Variants in TTC9C observed in about 807,000 individuals in gnomAD.
TTC9C encodes tetratricopeptide repeat domain 9C.
Under a neutral mutation model 22.5 loss-of-function variants are expected in TTC9C, and 15 were observed. The observed-to-expected ratio is 0.67, with a 90% confidence interval of 0.45 to 1.03. The LOEUF (loss-of-function observed/expected upper bound fraction) is 1.03, where lower values mean the gene tolerates loss of function less well. Among genes scored for constraint, TTC9C ranks in the 50% least tolerant of loss-of-function variants. TTC9C has a pLI of 0.00. For missense variants in TTC9C, 244 were observed against 214.6 expected, an observed-to-expected ratio of 1.14 and a Z score of -0.86; for synonymous variants, 92 against 86.8, an observed-to-expected ratio of 1.06 and a Z score of -0.33.
chr11:62,729,167 GA>G, intron 1 of TTC9C, 81 bp downstream of exon 1: 1 of 1,236,794 alleles, frequency 8.1e-7, no homozygotes, highest in Non-Finnish European at 1.1e-6. Context: ...AAAAAACGCT[GA>G]CTTTTTTTTT....
At chr11:62,729,746 T>C (rs2083824764) in intron 1 of TTC9C, among the ~76,000 whole-genome samples, 1 of 151,998 alleles carries the variant, frequency 6.6e-6, no homozygotes, top group Non-Finnish European at 1.5e-5. Flanking sequence ...CAGCTAATTT[T>C]TGTATTTTTA....
At chr11:62,728,457 G>T (rs780487732), upstream of TTC9C, 30 of 466,004 alleles carry the variant, frequency 6.4e-5, 2 homozygotes, top group South Asian at 3.9e-4. Context: ...AGGTCGGGGG[G>T]GGGCGGGTCC....
intron 1 of TTC9C, 78 bp downstream of exon 1, chr11:62,729,164 G>T: frequency 7.6e-7 from 1 of 1,309,412 alleles, no homozygotes; most frequent in Non-Finnish European, 1.1e-6. Context: ...GGGAAAAAAC[G>T]CTGACTTTTT....
chr11:62,729,041 A>G lies in TTC9C; in HGVS notation c.193A>G (p.Asn65Asp), dbSNP rs1180610854. The change falls in exon 1 of 3, where the codon AAC becomes GAC. Residue 65 changes from asparagine to aspartate, a missense_variant. Physicochemically the swap from Asn to Asp is conservative, Grantham distance 23. Transcript: ENST00000316461. Reference sequence around the variant, plus strand: ...CCCGGCCCTCACGCCTGAACAAGAAAACATATTGCATACCACCCAGACAGA... The same window carrying G: ...CCCGGCCCTCACGCCTGAACAAGAAGACATATTGCATACCACCCAGACAGA... ...QGPALTPEQE[N>D]ILHTTQTDCY... 6.2e-7 allele frequency: 1 copy of G among 1,614,032 alleles called. No homozygotes were observed. Among genetic ancestry groups the G allele is most frequent in the Non-Finnish European group, 8.5e-7 (1 of 1,180,038 alleles).
At chr11:62,736,551 G>A (rs1206920989) in intron 2 of TTC9C, among the ~76,000 whole-genome samples, 1 of 151,698 alleles carries the variant, frequency 6.6e-6, no homozygotes, top group African/African-American at 2.4e-5. Context: ...AAAATTAGCC[G>A]GACGTGGTGG....
chr11:62,735,342 G>A lies in TTC9C; in HGVS notation c.239-40G>A, dbSNP rs373716558. The A allele has an allele frequency of 7.5e-6, 12 of 1,603,730 alleles. No homozygotes were observed. In the African/African-American group the frequency reaches 1.6e-4, roughly 21 times the overall value. Reference sequence around the variant, plus strand: ...TGGCCAGTGGAACCTGGTGTAACGAGCCCCTCCTACCTCTTCTCTCTTTTC... The same window carrying A: ...TGGCCAGTGGAACCTGGTGTAACGAACCCCTCCTACCTCTTCTCTCTTTTC... On this transcript the variant is annotated intron_variant, in intron 1 of 2. Transcript: ENST00000316461.
chr11:62,736,688 C>G (rs1427611977), intron 2 of TTC9C, among the ~76,000 whole-genome samples: 1 of 144,594 alleles, frequency 6.9e-6, no homozygotes, highest in South Asian at 2.2e-4. Flanking sequence ...AGGGCGGCTC[C>G]GTCTCGGAAA....
At chr11:62,735,345 C>T in intron 1 of TTC9C, 37 bp from the exon 2 acceptor site, 1 of 1,607,566 alleles carries the variant, frequency 6.2e-7, no homozygotes, top group East Asian at 2.2e-5. Flanking sequence ...GTAACGAGCC[C>T]CTCCTACCTC....
chr11:62,728,765 C>T lies in TTC9C; in HGVS notation c.-84C>T. On this transcript the variant is annotated 5_prime_UTR_variant, in exon 1 of 3. Coordinates refer to ENST00000316461, the MANE Select transcript of TTC9C (RefSeq NM_173810.4). ...ATTTCCTGCCTCCTTAAATTGGCTG[C>T]TACTGTCAGTTATTTTGCTCCCAAC... 7.4e-7 allele frequency: 1 copy of T among 1,352,320 alleles called. No individual in the cohort carries two copies. The highest frequency in any genetic ancestry group is 1.1e-6 in the Non-Finnish European group (1 of 948,492). 83.8% of individuals were successfully genotyped at this position (1,352,320 alleles called of 1,614,324 possible). A position where few individuals can be genotyped will look rare whatever the true frequency, so the allele number is the denominator to read the frequency against.
intron 2 of TTC9C, among the ~76,000 whole-genome samples, chr11:62,737,156 G>A (rs997676441): frequency 1.3e-5 from 2 of 151,876 alleles, no homozygotes; most frequent in African/African-American, 2.4e-5. Context: ...CCAAGATCGC[G>A]CCACTGCACT....
chr11:62,733,134 G>A (rs1310708972), intron 1 of TTC9C: 3 of 1,288,420 alleles, frequency 2.3e-6, no homozygotes, highest in South Asian at 2.5e-5. Context: ...AATAGGGAGT[G>A]TTTCCCTTCT....
rs532106857 is a variant in TTC9C at position 62,736,653 on chromosome 11, C to G, written c.421+1089C>G. On this transcript the variant is annotated intron_variant, in intron 2 of 2. Coordinates refer to ENST00000316461, the MANE Select transcript of TTC9C (RefSeq NM_173810.4). ...AGCTTGCAGTGAGCTGAGATCCTGC[C>G]GGTGCATTCCAGCCTAGGGGACAGA... Among the ~76,000 whole-genome samples the G allele has an allele frequency of 4.0e-5, 6 of 149,760 alleles. No homozygotes were observed. In the South Asian group the frequency reaches 1.3e-3, roughly 31 times the overall value.
chr11:62,729,749 T>G (rs2083824818), intron 1 of TTC9C, among the ~76,000 whole-genome samples: 1 of 152,038 alleles, frequency 6.6e-6, no homozygotes, highest in Admixed American at 6.6e-5. Context: ...CTAATTTTTG[T>G]ATTTTTAGTA....
rs567245601 is a variant in TTC9C at position 62,734,836 on chromosome 11, C to T, written c.239-546C>T. ...TTACCAGCTTTATAGCCAAGCCTAA[C>T]TGGCTACTAAATATGTAGCAGAAAA... is the stretch of plus-strand genomic sequence containing the variant. On this transcript the variant is annotated intron_variant, in intron 1 of 2. Transcript: ENST00000316461. Among the ~76,000 whole-genome samples, 41 of 152,278 alleles carry T rather than the reference C, an allele frequency of 2.7e-4. No homozygotes were observed. In the South Asian group the frequency reaches 8.5e-3, roughly 32 times the overall value.
At chr11:62,738,222 A>G in intron 2 of TTC9C, 66 bp from the exon 3 acceptor site, 1 of 978,074 alleles carries the variant, frequency 1.0e-6, no homozygotes, top group Middle Eastern at 2.1e-4. Context: ...CTCTCCTGCC[A>G]CAAGGTATGA....
At chr11:62,738,055 TAAATA>T (rs1161207299) in intron 2 of TTC9C, among the ~76,000 whole-genome samples, 3 of 149,160 alleles carry the variant, frequency 2.0e-5, no homozygotes, top group East Asian at 3.9e-4. Context: ...ATAAATAAAA[TAAATA>T]AATAAATAAA....
chr11:62,729,169 C>CA, intron 1 of TTC9C, 83 bp downstream of exon 1: 7 of 937,228 alleles, frequency 7.5e-6, no homozygotes, highest in South Asian at 1.6e-5. Context: ...AAAACGCTGA[C>CA]TTTTTTTTTT....
chr11:62,734,515 A>C (rs2083888362), intron 1 of TTC9C, among the ~76,000 whole-genome samples: 1 of 152,196 alleles, frequency 6.6e-6, no homozygotes, highest in African/African-American at 2.4e-5. Flanking sequence ...TTGAACCTGG[A>C]GGTTGCAGTG....
At chr11:62,730,445 A>C (rs1427957685) in intron 1 of TTC9C, among the ~76,000 whole-genome samples, 1 of 152,216 alleles carries the variant, frequency 6.6e-6, no homozygotes, top group Non-Finnish European at 1.5e-5. Flanking sequence ...CATCTTCACA[A>C]AACTGCAAGG....
Sources: allele counts gnomAD v4.1 joint callset (sites outside exome capture counted in the v4.1 genomes callset), GRCh38; gene constraint gnomAD v4.1.1; transcripts MANE v1.5; gene names NCBI Gene and HGNC (gene_info 2026-07-23, HGNC 2026-07-21).